The following JAKMIP3 variants were observed in gnomAD, a reference collection of about 807,000 sequenced individuals.
The protein encoded by JAKMIP3 is janus kinase and microtubule-interacting protein 3.
JAKMIP3 carries 58 observed loss-of-function variants against 118.5 expected under a neutral mutation model. The ratio of observed to expected loss-of-function variants is 0.49; its 90% confidence interval spans 0.40 to 0.61. The LOEUF is 0.61. JAKMIP3 is among the 20% of genes least tolerant of loss of function. JAKMIP3 has a pLI of 0.00. For synonymous variants in JAKMIP3, 486 were observed against 451.2 expected (o/e 1.08, Z -0.98); for missense variants, 950 against 1,109.0 (o/e 0.86, Z 2.04).
In JAKMIP3 at chr10:132,183,729, C is replaced by G. The variant is rs1319328904; in HGVS notation, c.*2476C>G. ...CTCTCCTTAGATATCATTGTTTTCA[C>G]TCGTCTATCATAGGCACCTTCTTTA... On this transcript the variant is annotated 3_prime_UTR_variant, in exon 24 of 24. Transcript: ENST00000684848. 6.6e-6 allele frequency: 1 copy of G among 152,222 alleles called. No individual in the cohort carries two copies. Among genetic ancestry groups the G allele is most frequent in the Non-Finnish European group, 1.5e-5 (1 of 68,046 alleles). 9.4% of individuals were successfully genotyped at this position (152,222 alleles called of 1,614,324 possible).
intron 1 of JAKMIP3, among the ~76,000 whole-genome samples, chr10:132,094,063 A>G (rs1219543843): frequency 6.7e-6 from 1 of 149,740 alleles, no homozygotes; most frequent in Admixed American, 6.7e-5. Flanking sequence ...TCAGCCTCCC[A>G]AGTTGCTGGG....
intron 1 of JAKMIP3, among the ~76,000 whole-genome samples, chr10:132,090,815 C>T (rs2042999425): frequency 6.6e-6 from 1 of 151,670 alleles, no homozygotes; most frequent in Non-Finnish European, 1.5e-5. Flanking sequence ...AATTTTAGAT[C>T]TTTCCTGCTT....
chr10:132,115,365 C>T (rs73397603), intron 2 of JAKMIP3, among the ~76,000 whole-genome samples: 5,948 of 152,294 alleles, frequency 0.039, 204 homozygotes, highest in East Asian at 0.15. Context: ...TGGGCCCCTG[C>T]TACCGATGGG....
chr10:132,124,208 T>G (rs942555379), intron 3 of JAKMIP3, among the ~76,000 whole-genome samples: 4 of 152,176 alleles, frequency 2.6e-5, no homozygotes, highest in South Asian at 2.1e-4. Context: ...CACCCGTCCT[T>G]CTGCTGCTGC....
chr10:132,060,764 A>G (rs1005267285), upstream of JAKMIP3, among the ~76,000 whole-genome samples: 2 of 152,238 alleles, frequency 1.3e-5, no homozygotes, highest in South Asian at 4.1e-4. Context: ...TCACGCCTGT[A>G]ATCCCAGCAC....
At chr10:132,146,348 G>T (rs2054610491) in intron 13 of JAKMIP3, among the ~76,000 whole-genome samples, 1 of 152,116 alleles carries the variant, frequency 6.6e-6, no homozygotes, top group Non-Finnish European at 1.5e-5. Flanking sequence ...GTTAAAGAGG[G>T]AGTCACAGCA....
intron 1 of JAKMIP3, among the ~76,000 whole-genome samples, chr10:132,054,119 T>C (rs1231963048): frequency 2.0e-5 from 3 of 151,692 alleles, no homozygotes; most frequent in Non-Finnish European, 4.4e-5. Context: ...TTTCAGCTCA[T>C]TTCTGGAATG....
chr10:132,173,020 TCTCTCTCCTTCC>T (rs2059694128), intron 23 of JAKMIP3, among the ~76,000 whole-genome samples: 1 of 17,386 alleles, frequency 5.8e-5, no homozygotes, highest in Non-Finnish European at 1.2e-4. Flanking sequence ...TCTCTCCCTC[TCTCTCTCCTTCC>T]CTCTCTCTCT....
chr10:132,052,929 G>GT (rs2038140202), intron 1 of JAKMIP3, among the ~76,000 whole-genome samples: 1 of 152,232 alleles, frequency 6.6e-6, no homozygotes, highest in Admixed American at 6.5e-5. Flanking sequence ...AAATAGAATT[G>GT]TTTTGTGAAC....
chr10:132,130,467 A>AG (rs2050355486), intron 3 of JAKMIP3, among the ~76,000 whole-genome samples: 1 of 152,198 alleles, frequency 6.6e-6, no homozygotes, highest in Non-Finnish European at 1.5e-5. Flanking sequence ...GTTGATGCGG[A>AG]GGGAGGGCCC....
intron 23 of JAKMIP3, among the ~76,000 whole-genome samples, chr10:132,174,681 A>G (rs563193075): frequency 1.3e-5 from 2 of 150,036 alleles, no homozygotes; most frequent in South Asian, 4.2e-4. Context: ...ACTTTTTATA[A>G]GTAACTGTTG....
At chr10:132,054,990 G>A (rs2038200769) in intron 1 of JAKMIP3, among the ~76,000 whole-genome samples, 1 of 151,624 alleles carries the variant, frequency 6.6e-6, no homozygotes. Context: ...TCCGCTTGGG[G>A]ATAGTGAGAG....
At chr10:132,163,471 CA>C (rs547214508) in intron 20 of JAKMIP3, 59 bp downstream of exon 20, 89 of 1,471,386 alleles carry the variant, frequency 6.0e-5, no homozygotes, top group East Asian at 2.0e-4. Context: ...TGCACAGAGC[CA>C]GGGGGGGTCC....
intron 23 of JAKMIP3, among the ~76,000 whole-genome samples, chr10:132,180,730 C>CGCGCGCGT: frequency 1.2e-4 from 1 of 8,682 alleles, no homozygotes; most frequent in African/African-American, 6.5e-4. Context: ...CGTGTGTGTG[C>CGCGCGCGT]GTGTGTGCGT....
At chr10:132,057,875 A>T (rs1034046378) in intron 1 of JAKMIP3, among the ~76,000 whole-genome samples, 2 of 152,172 alleles carry the variant, frequency 1.3e-5, no homozygotes, top group Non-Finnish European at 2.9e-5. Context: ...CAGATACACT[A>T]ATAACGCACA....
intron 1 of JAKMIP3, among the ~76,000 whole-genome samples, chr10:132,095,288 C>G (rs1419242466): frequency 6.6e-6 from 1 of 152,250 alleles, no homozygotes; most frequent in East Asian, 1.9e-4. Flanking sequence ...CTGGAGGTTT[C>G]CTTCTCCCTG....
At chr10:132,104,520 G>A (rs2045607058) in intron 1 of JAKMIP3, among the ~76,000 whole-genome samples, 152 bp from the exon 2 acceptor site, 1 of 152,152 alleles carries the variant, frequency 6.6e-6, no homozygotes, top group African/African-American at 2.4e-5. Context: ...TGAGGTCTGG[G>A]GCTGGTTCCC....
chr10:132,174,918 ATCTGT>A (rs923554698), intron 23 of JAKMIP3, among the ~76,000 whole-genome samples: 15 of 152,282 alleles, frequency 9.9e-5, no homozygotes, highest in African/African-American at 2.9e-4. Context: ...TTGGTGAAAC[ATCTGT>A]TCAGATCATT....
chr10:132,162,540 G>A (rs1193671799), intron 19 of JAKMIP3, among the ~76,000 whole-genome samples: 1 of 152,196 alleles, frequency 6.6e-6, no homozygotes, highest in Admixed American at 6.5e-5. Flanking sequence ...TTTTGTGGCC[G>A]CCAAGAACAA....
Sources: gnomAD v4.1 joint callset for allele counts (sites outside exome capture counted in the v4.1 genomes callset) on GRCh38, gnomAD v4.1.1 for gene constraint, MANE v1.5 for transcripts, NCBI Gene and HGNC (gene_info 2026-07-23, HGNC 2026-07-21) for gene names.